Variants in BORCS5 observed in about 807,000 individuals in gnomAD.
The protein encoded by BORCS5 is BLOC-1 related complex subunit 5.
BORCS5 carries 17 observed loss-of-function variants against 22.1 expected under a neutral mutation model. That is an observed-to-expected ratio of 0.77 (90% confidence interval 0.53 to 1.15). The LOEUF is 1.15. BORCS5 is among the 50% of genes most tolerant of loss of function. The pLI is 0.00. For synonymous variants in BORCS5, 117 were observed against 99.8 expected (o/e 1.17, Z -1.03); for missense variants, 247 against 253.2 (o/e 0.98, Z 0.17).
intron 2 of BORCS5, among the ~76,000 whole-genome samples, chr12:12,378,070 C>A (rs1468259876): frequency 6.6e-6 from 1 of 152,078 alleles, no homozygotes; most frequent in Non-Finnish European, 1.5e-5. Context: ...TAAAATACTT[C>A]TGTTTTAAAG....
At chr12:12,436,652 TG>T (rs1942561808) in intron 3 of BORCS5, among the ~76,000 whole-genome samples, 3 of 151,146 alleles carry the variant, frequency 2.0e-5, no homozygotes, top group Admixed American at 2.0e-4. Context: ...AAGATGGACA[TG>T]GAGAAACAAG....
At chr12:12,436,220 T>C (rs6488527) in intron 3 of BORCS5, among the ~76,000 whole-genome samples, 29,318 of 152,180 alleles carry the variant, frequency 0.19, 3,686 homozygotes, top group African/African-American at 0.36. Flanking sequence ...AAAATTTCTT[T>C]CAAAGCAGGA....
intron 2 of BORCS5, among the ~76,000 whole-genome samples, chr12:12,391,547 G>A (rs551133852): frequency 5.9e-5 from 9 of 151,450 alleles, no homozygotes; most frequent in South Asian, 4.2e-4. Flanking sequence ...CACCATGCCC[G>A]GCTAATTTTT....
At chr12:12,380,618 C>A (rs1403825512) in intron 2 of BORCS5, among the ~76,000 whole-genome samples, 1 of 151,366 alleles carries the variant, frequency 6.6e-6, no homozygotes, top group East Asian at 1.9e-4. Context: ...GTTTTTATTT[C>A]TTTTGGGTGG....
intron 2 of BORCS5, among the ~76,000 whole-genome samples, chr12:12,413,334 C>T (rs1290194285): frequency 3.3e-4 from 45 of 136,870 alleles, no homozygotes; most frequent in African/African-American, 1.2e-3. Flanking sequence ...CATCTTGCAC[C>T]GCCCTTAATC....
intron 2 of BORCS5, among the ~76,000 whole-genome samples, chr12:12,373,329 T>C (rs1378037103): frequency 6.6e-6 from 1 of 152,208 alleles, no homozygotes; most frequent in Non-Finnish European, 1.5e-5. Flanking sequence ...TATGGTATTC[T>C]TGTTGTAGCA....
rs546841611 is a variant in BORCS5, at chr12:12,357,436, C to T, written c.-16C>T. ...GCCCGGCCCGCCGTTCTTCTGCTGCCACCGCTGTCGGCACCATGGGCAGTG... is the reference window on the plus strand; with the variant it reads ...GCCCGGCCCGCCGTTCTTCTGCTGCTACCGCTGTCGGCACCATGGGCAGTG... On this transcript the variant is annotated 5_prime_UTR_variant, in exon 1 of 4. Transcript: ENST00000314565. The T allele has an allele frequency of 5.2e-5, 83 of 1,605,016 alleles. No homozygotes were observed. Among genetic ancestry groups the T allele is most frequent in the Non-Finnish European group, 6.4e-5 (75 of 1,173,156 alleles).
At position 12,468,720 on chromosome 12, in the gene BORCS5, C is replaced by T. The variant is rs1205584388; in HGVS notation, c.*2944C>T. 6.6e-6 allele frequency: 1 copy of T among 152,174 alleles called. No homozygotes were observed. The highest frequency in any genetic ancestry group is 1.5e-5 in the Non-Finnish European group (1 of 68,036). 9.4% of individuals were successfully genotyped at this position (152,174 alleles called of 1,614,324 possible). A position where few individuals can be genotyped will look rare whatever the true frequency, so the allele number is the denominator to read the frequency against. ...TTAGCTGTTCATTGGCTGCTTCTTT[C>T]TAGAGCCTGTTTTGCTTATCTTGCA... On this transcript the variant is annotated 3_prime_UTR_variant, in exon 4 of 4. Transcript: ENST00000314565.
intron 3 of BORCS5, among the ~76,000 whole-genome samples, chr12:12,445,322 C>T (rs1942762259): frequency 6.6e-6 from 1 of 151,852 alleles, no homozygotes; most frequent in Admixed American, 6.6e-5. Context: ...ATTACAGGTG[C>T]GAGTCATCGT....
At chr12:12,376,056 G>C (rs1428554157) in intron 2 of BORCS5, among the ~76,000 whole-genome samples, 1 of 152,044 alleles carries the variant, frequency 6.6e-6, no homozygotes, top group East Asian at 1.9e-4. Flanking sequence ...GCCCACCTCG[G>C]CCTCCCAAAG....
chr12:12,446,518 T>C (rs1327415286), intron 3 of BORCS5, among the ~76,000 whole-genome samples: 1 of 152,200 alleles, frequency 6.6e-6, no homozygotes, highest in East Asian at 1.9e-4. Context: ...TGTTCTGAAC[T>C]AGAGTCTTAT....
intron 2 of BORCS5, among the ~76,000 whole-genome samples, chr12:12,406,054 G>T (rs1941588684): frequency 6.6e-6 from 1 of 152,234 alleles, no homozygotes; most frequent in Non-Finnish European, 1.5e-5. Context: ...TTGCCACAGG[G>T]ATTGCTTCTA....
At chr12:12,450,457 T>C (rs1421067838) in intron 3 of BORCS5, among the ~76,000 whole-genome samples, 1 of 152,216 alleles carries the variant, frequency 6.6e-6, no homozygotes, top group Non-Finnish European at 1.5e-5. Context: ...TTCCCTTTGG[T>C]CTCCTCTCAG....
At chr12:12,375,178 A>AT (rs1373739368) in intron 2 of BORCS5, among the ~76,000 whole-genome samples, 11 of 151,944 alleles carry the variant, frequency 7.2e-5, no homozygotes, top group Non-Finnish European at 1.5e-4. Context: ...TGCCCGGCTA[A>AT]TTTTTGTATT....
intron 2 of BORCS5, among the ~76,000 whole-genome samples, chr12:12,423,171 T>G (rs956403636): frequency 6.6e-6 from 1 of 151,840 alleles, no homozygotes; most frequent in Non-Finnish European, 1.5e-5. Flanking sequence ...CTGGCTAATT[T>G]TTTTGTATTT....
intron 2 of BORCS5, among the ~76,000 whole-genome samples, chr12:12,435,222 A>G (rs1048105777): frequency 1.4e-4 from 21 of 152,202 alleles, no homozygotes; most frequent in African/African-American, 4.1e-4. Flanking sequence ...TTATATTCCC[A>G]CATTTTCAAT....
chr12:12,438,720 G>A (rs538842164), intron 3 of BORCS5, among the ~76,000 whole-genome samples: 13 of 152,222 alleles, frequency 8.5e-5, no homozygotes, highest in African/African-American at 3.1e-4. Context: ...TCATCAGCTT[G>A]CAAATACTCC....
chr12:12,408,985 T>C (rs536599839), intron 2 of BORCS5, among the ~76,000 whole-genome samples: 1 of 152,234 alleles, frequency 6.6e-6, no homozygotes, highest in African/African-American at 2.4e-5. Flanking sequence ...TATAGTAATT[T>C]TACATTTAAT....
Position 12,465,658 on chromosome 12 carries a change from G to T in BORCS5, c.473G>T (p.Arg158Leu). Residue 158 changes from arginine (R) to leucine (L), a missense_variant, in exon 4 of 4, where the codon CGC becomes CTC. Arg to Leu is a moderately radical substitution (Grantham distance 102). Coordinates refer to ENST00000314565, the MANE Select transcript of BORCS5 (RefSeq NM_058169.6). Reference protein sequence around the residue: ...KVNEMSAILRRIQMGIDQTVP... With the variant: ...KVNEMSAILRLIQMGIDQTVP... ...AACGAGATGTCCGCCATCCTCCGCC[G>T]CATACAGATGGGCATCGACCAGACT... is the stretch of plus-strand genomic sequence containing the variant. The T allele has an allele frequency of 1.9e-6, 3 of 1,614,254 alleles. No homozygotes were observed. The highest frequency in any genetic ancestry group is 2.5e-6 in the Non-Finnish European group (3 of 1,180,052).
Sources: allele counts gnomAD v4.1 joint callset (sites outside exome capture counted in the v4.1 genomes callset), GRCh38; gene constraint gnomAD v4.1.1; transcripts MANE v1.5; gene names NCBI Gene and HGNC (gene_info 2026-07-23, HGNC 2026-07-21).